The following SLC44A5 variants were observed in gnomAD, a reference collection of about 807,000 sequenced individuals.
The protein encoded by SLC44A5 is choline transporter-like protein 5.
Under a neutral mutation model 101.8 loss-of-function variants are expected in SLC44A5, and 57 were observed. The ratio of observed to expected loss-of-function variants is 0.56; its 90% confidence interval spans 0.45 to 0.70. The LOEUF is 0.70. SLC44A5 is among the 30% of genes least tolerant of loss of function. The pLI is 0.00. For synonymous variants in SLC44A5, 281 were observed against 290.9 expected (o/e 0.97, Z 0.35); for missense variants, 737 against 853.1 (o/e 0.86, Z 1.70).
At chr1:75,679,660 G>A in the SLC44A5 span, among the ~76,000 whole-genome samples, 1 of 151,974 alleles carries the variant, frequency 6.6e-6, no homozygotes, top group African/African-American at 2.4e-5. Flanking sequence ...GCAAAATCAT[G>A]CCAAAATGTA....
the SLC44A5 span, among the ~76,000 whole-genome samples, chr1:75,703,661 TAAA>T: frequency 4.8e-5 from 7 of 146,494 alleles, no homozygotes; most frequent in African/African-American, 1.7e-4. Flanking sequence ...TAAAGTATAA[TAAA>T]AAAAAAAAAA....
intron 3 of SLC44A5, among the ~76,000 whole-genome samples, chr1:75,366,987 G>A (rs1659904883): frequency 6.6e-6 from 1 of 152,110 alleles, no homozygotes. Context: ...GCCATTTTAA[G>A]ATGATTATTT....
chr1:75,212,010 C>G (rs189513915), intron 22 of SLC44A5, among the ~76,000 whole-genome samples: 1 of 152,018 alleles, frequency 6.6e-6, no homozygotes, highest in East Asian at 1.9e-4. Context: ...ACAGAACAAC[C>G]CTTCTCAACA....
At chr1:75,355,051 A>C (rs1262593870) in intron 3 of SLC44A5, among the ~76,000 whole-genome samples, 1 of 152,232 alleles carries the variant, frequency 6.6e-6, no homozygotes, top group Non-Finnish European at 1.5e-5. Context: ...AGTTACCGTC[A>C]TAAATGAGAG....
At chr1:75,507,509 T>A (rs2101859319) in intron 2 of SLC44A5, among the ~76,000 whole-genome samples, 1 of 152,266 alleles carries the variant, frequency 6.6e-6, no homozygotes, top group Middle Eastern at 3.4e-3. Context: ...ACCTGTGGTT[T>A]TATTTTTTCA....
In SLC44A5 at chr1:75,284,965, G is replaced by T. The variant is rs943092456; in HGVS notation, c.176-9923C>A. On this transcript the variant is annotated intron_variant, in intron 5 of 23. Coordinates refer to ENST00000370859, the MANE Select transcript of SLC44A5 (RefSeq NM_001130058.2). The stretch of plus-strand genomic sequence containing the variant: ...TGTTCATCAGGAATATTGGTCTATA[G>T]ATTTTTTGTGTGTGTTATGTTCTTT... 2.0e-5 allele frequency among the ~76,000 whole-genome samples: 3 copies of T among 151,970 alleles called. No individual in the cohort carries two copies. The South Asian group carries it at 6.2e-4, about 31-fold the overall frequency.
chr1:75,257,931 C>A (rs950571177), intron 6 of SLC44A5, among the ~76,000 whole-genome samples: 3 of 152,036 alleles, frequency 2.0e-5, no homozygotes, highest in African/African-American at 4.8e-5. Context: ...GTCACCTCAC[C>A]CAGGAAGCAT....
intron 2 of SLC44A5, among the ~76,000 whole-genome samples, chr1:75,439,867 A>T (rs1258900382): frequency 6.6e-6 from 1 of 152,140 alleles, no homozygotes; most frequent in Non-Finnish European, 1.5e-5. Context: ...CAAAGAAAAA[A>T]TATCCATTCT....
the SLC44A5 span, among the ~76,000 whole-genome samples, chr1:75,687,274 C>A: frequency 6.6e-6 from 1 of 152,130 alleles, no homozygotes; most frequent in African/African-American, 2.4e-5. Flanking sequence ...AAGTGAATGG[C>A]TCCACAGTGC....
chr1:75,251,067 T>G, intron 7 of SLC44A5, 143 bp downstream of exon 7: 1 of 677,058 alleles, frequency 1.5e-6, no homozygotes, highest in Non-Finnish European at 2.6e-6. Flanking sequence ...AAGCTCATAC[T>G]TATATCTTCC....
rs1424810243 is a variant in SLC44A5 at position 75,219,857 on chromosome 1, G to C, written c.1121C>G (p.Pro374Arg). Residue 374 changes from proline (P) to arginine (R), a missense_variant, in exon 15 of 24, where the codon CCA becomes CGA. Physicochemically the swap from Pro to Arg is moderately radical, Grantham distance 103. This residue lies in a region of SLC44A5 where 665 missense variants were observed against 764.4 expected (regional missense o/e 0.87). Transcript: ENST00000370859. The stretch of plus-strand genomic sequence containing the variant: ...TGAGAGCAAAATGAAAGTTAAAGCT[G>C]GATAGACTAATGTACTAGGAACATA... ...IGYVPSTLVY[P>R]ALTFILLSIC... 1 of 1,612,046 alleles carries C rather than the reference G, an allele frequency of 6.2e-7. No individual in the cohort carries two copies. The highest frequency in any genetic ancestry group is 1.7e-5 in the Admixed American group (1 of 59,860).
chr1:75,557,544 TCAGG>T (rs775790986), intron 1 of SLC44A5, among the ~76,000 whole-genome samples: 56 of 152,278 alleles, frequency 3.7e-4, no homozygotes, highest in Admixed American at 5.9e-4. Context: ...TGGTGCTTTG[TCAGG>T]GTAATTTTCC....
At chr1:75,378,127 G>A (rs1345415399) in intron 3 of SLC44A5, among the ~76,000 whole-genome samples, 1 of 82,202 alleles carries the variant, frequency 1.2e-5, no homozygotes. Flanking sequence ...ACAAGTCGAC[G>A]AGAGATCCCA....
At position 75,455,439 on chromosome 1, in the gene SLC44A5, C is replaced by G. The variant is rs1281531800; in HGVS notation, c.14-58818G>C. 2.0e-5 allele frequency among the ~76,000 whole-genome samples: 3 copies of G among 152,148 alleles called. No individual in the cohort carries two copies. In the East Asian group the frequency reaches 5.8e-4, roughly 29 times the overall value. On this transcript the variant is annotated intron_variant, in intron 2 of 23. Coordinates refer to ENST00000370859, the MANE Select transcript of SLC44A5 (RefSeq NM_001130058.2). Reference sequence around the variant, plus strand: ...AGAAGAAAATTCAGACAAAACAATTCTGGACATTGGCCTTGAGATAAAATT... The same window carrying G: ...AGAAGAAAATTCAGACAAAACAATTGTGGACATTGGCCTTGAGATAAAATT...
At chr1:75,426,555 C>G (rs1664317976) in intron 2 of SLC44A5, among the ~76,000 whole-genome samples, 2 of 152,214 alleles carry the variant, frequency 1.3e-5, no homozygotes, top group South Asian at 4.1e-4. Context: ...ACACATCTAA[C>G]CAGTTACAGT....
chr1:75,530,989 G>T (rs1175651352), intron 2 of SLC44A5, among the ~76,000 whole-genome samples: 1 of 152,148 alleles, frequency 6.6e-6, no homozygotes, highest in Non-Finnish European at 1.5e-5. Flanking sequence ...GTGCTTTCCT[G>T]CCCAGAGATT....
chr1:75,301,528 G>A (rs1399614202), intron 4 of SLC44A5, among the ~76,000 whole-genome samples: 1 of 152,164 alleles, frequency 6.6e-6, no homozygotes, highest in African/African-American at 2.4e-5. Context: ...AGAATTAAAA[G>A]TTGCACATGA....
At chr1:75,369,022 T>C (rs946028781) in intron 3 of SLC44A5, among the ~76,000 whole-genome samples, 66 of 152,214 alleles carry the variant, frequency 4.3e-4, no homozygotes, top group Admixed American at 1.4e-3. Context: ...TCACATTTTT[T>C]TTTTTTTAAA....
the SLC44A5 span, among the ~76,000 whole-genome samples, chr1:75,662,154 C>A: frequency 1.3e-5 from 2 of 151,904 alleles, no homozygotes; most frequent in African/African-American, 2.4e-5. Context: ...ACAATGGAAT[C>A]AATTTTATTC....
Sources: gnomAD v4.1 joint callset for allele counts (sites outside exome capture counted in the v4.1 genomes callset) on GRCh38, gnomAD v4.1.1 for gene constraint, gnomAD v4.1.1 regional missense constraint, MANE v1.5 for transcripts, NCBI Gene and HGNC (gene_info 2026-07-23, HGNC 2026-07-21) for gene names.